SNCAIP: variants seen among roughly 807,000 people sequenced by gnomAD.
The protein encoded by SNCAIP is synuclein alpha interacting protein.
In SNCAIP, 43 loss-of-function variants were observed where a neutral mutation model predicts 86.7. That is an observed-to-expected ratio of 0.50 (90% CI 0.39 to 0.64). The LOEUF (loss-of-function observed/expected upper bound fraction) is 0.64. SNCAIP is among the 30% of genes least tolerant of loss of function. The pLI, the probability that SNCAIP is intolerant of heterozygous loss-of-function variation, is 0.00. For missense variants in SNCAIP, 981 were observed against 1,103.1 expected (o/e 0.89, Z 1.57); for synonymous variants, 417 against 427.2 (o/e 0.98, Z 0.29).
rs762552739 is a variant in SNCAIP at position 122,450,721 on chromosome 5, G to A, written c.1874G>A (p.Gly625Glu). The change falls in exon 10 of 11, where the codon GGA (glycine) becomes GAA (glutamate). Residue 625 changes from glycine (G) to glutamate (E), a missense_variant. Transcript: ENST00000261368. ...DSDKILRQLL[G>E]KEISENVCTQ... ...GATAAAATCTTACGCCAGTTATTGG[G>A]AAAGGAAATCTCAGAAAATGTCTGC... 1.2e-6 allele frequency: 2 copies of A among 1,614,052 alleles called. No individual in the cohort carries two copies.
intron 1 of SNCAIP, among the ~76,000 whole-genome samples, chr5:122,330,117 C>CCT (rs1415466705): frequency 1.0e-5 from 1 of 96,850 alleles, no homozygotes; most frequent in African/African-American, 4.3e-5. Flanking sequence ...AACTTCATTT[C>CCT]TTTTTTTTTT....
At chr5:122,354,364 A>G (rs1284073596) in intron 1 of SNCAIP, among the ~76,000 whole-genome samples, 1 of 152,174 alleles carries the variant, frequency 6.6e-6, no homozygotes, top group Non-Finnish European at 1.5e-5. Flanking sequence ...TCTTCCAGAG[A>G]GGCTGTGATG....
At position 122,450,390 on chromosome 5, in the gene SNCAIP, T is replaced by C. The variant is rs772541610; in HGVS notation, c.1686-143T>C. 48 of 733,852 alleles carry C rather than the reference T, an allele frequency of 6.5e-5. 1 individual carries two copies. The highest frequency in any genetic ancestry group is 3.8e-4 in the South Asian group (24 of 62,722). The allele number at this position is 733,852 out of a possible 1,614,324, so 45.5% of individuals were successfully genotyped here. On this transcript the variant is annotated intron_variant, in intron 9 of 10. Transcript: ENST00000261368. ...CTGATACTATGGAGTATTTGCACAT[T>C]GTTTCGAAAAGAAATTATGTACTTA...
chr5:122,353,615 T>C (rs891513776), intron 1 of SNCAIP, among the ~76,000 whole-genome samples: 3 of 152,120 alleles, frequency 2.0e-5, no homozygotes, highest in African/African-American at 7.2e-5. Flanking sequence ...ATTCTCATGA[T>C]AGTGAATAAG....
chr5:122,463,588 A>G lies in SNCAIP; in HGVS notation c.*92A>G. 1 of 1,445,386 alleles carries G rather than the reference A, an allele frequency of 6.9e-7. No homozygotes were observed. Among genetic ancestry groups the G allele is most frequent in the South Asian group, 1.2e-5 (1 of 84,862 alleles). The allele number at this position is 1,445,386 out of a possible 1,614,324, so 89.5% of individuals were successfully genotyped here. On this transcript the variant is annotated 3_prime_UTR_variant, in exon 11 of 11. Transcript: ENST00000261368. ...ACTCTTCTTGTAAATCACTTTTTAA[A>G]TTTTCTCTCACTGATGCCCTTTGGA...
intron 3 of SNCAIP, among the ~76,000 whole-genome samples, chr5:122,410,716 A>G (rs898873134): frequency 6.6e-6 from 1 of 152,156 alleles, no homozygotes; most frequent in Non-Finnish European, 1.5e-5. Context: ...CCCGGTACTC[A>G]GGAGGCTGAG....
At chr5:122,357,026 A>G (rs1191635761) in intron 1 of SNCAIP, among the ~76,000 whole-genome samples, 2 of 152,026 alleles carry the variant, frequency 1.3e-5, no homozygotes, top group Non-Finnish European at 2.9e-5. Context: ...AAAGCCCTGC[A>G]TATTTGTATC....
chr5:122,406,494 A>C (rs1773025226), intron 3 of SNCAIP, among the ~76,000 whole-genome samples: 1 of 152,082 alleles, frequency 6.6e-6, no homozygotes, highest in Admixed American at 6.6e-5. Flanking sequence ...CCTCATGTTG[A>C]ATGGTAAACC....
intron 2 of SNCAIP, among the ~76,000 whole-genome samples, chr5:122,401,877 G>A (rs1367558824): frequency 6.6e-6 from 1 of 152,212 alleles, no homozygotes; most frequent in Non-Finnish European, 1.5e-5. Context: ...TGAAGCTACA[G>A]CGAATACATC....
At chr5:122,335,445 A>T (rs1182869231) in intron 1 of SNCAIP, among the ~76,000 whole-genome samples, 1 of 152,226 alleles carries the variant, frequency 6.6e-6, no homozygotes, top group Non-Finnish European at 1.5e-5. Flanking sequence ...CAGATACACC[A>T]GCTCTTTTGA....
At chr5:122,323,485 A>G (rs1034447300) in intron 1 of SNCAIP, 4 of 152,192 alleles carry the variant, frequency 2.6e-5, no homozygotes, top group African/African-American at 9.7e-5. Context: ...TATGTAATGT[A>G]TGTAAATGCA....
At chr5:122,448,942 G>A (rs963912641) in intron 8 of SNCAIP, among the ~76,000 whole-genome samples, 2 of 150,970 alleles carry the variant, frequency 1.3e-5, no homozygotes, top group Non-Finnish European at 3.0e-5. Context: ...CGTGAACCCG[G>A]GAGGCGGAGC....
At position 122,451,568 on chromosome 5, in the gene SNCAIP, T is replaced by C; in HGVS notation, c.2721T>C (p.Pro907=). ...LGRKTDAKGN[P]ASSASKGKNK... ...GGAAGACAGATGCCAAGGGAAACCC[T>C]GCCAGCTCCGCTAGCAAAGGAAAGA... Residue 907 remains proline (P), a synonymous_variant, in exon 10 of 11, where the codon CCT becomes CCC. Coordinates refer to ENST00000261368, the MANE Select transcript of SNCAIP (RefSeq NM_005460.4). 1.2e-6 allele frequency: 2 copies of C among 1,613,434 alleles called. No individual in the cohort carries two copies. The highest frequency in any genetic ancestry group is 1.7e-6 in the Non-Finnish European group (2 of 1,179,692).
At chr5:122,374,175 C>T (rs1764812972) in intron 1 of SNCAIP, among the ~76,000 whole-genome samples, 1 of 152,156 alleles carries the variant, frequency 6.6e-6, no homozygotes, top group Non-Finnish European at 1.5e-5. Flanking sequence ...CATATGGTGA[C>T]ATCTGGATTG....
At chr5:122,315,549 C>G (rs1751528377) in intron 1 of SNCAIP, among the ~76,000 whole-genome samples, 1 of 152,128 alleles carries the variant, frequency 6.6e-6, no homozygotes, top group African/African-American at 2.4e-5. Flanking sequence ...TTTTTGTGAT[C>G]TACTACATTT....
chr5:122,378,314 G>GT (rs879610401), intron 1 of SNCAIP, among the ~76,000 whole-genome samples: 1 of 138,618 alleles, frequency 7.2e-6, no homozygotes, highest in Non-Finnish European at 1.6e-5. Flanking sequence ...TTTTTCATGT[G>GT]TTTTTTGGCT....
chr5:122,443,130 G>C (rs1781439175), intron 7 of SNCAIP, among the ~76,000 whole-genome samples: 1 of 152,132 alleles, frequency 6.6e-6, no homozygotes, highest in African/African-American at 2.4e-5. Context: ...GCTTTGTGGT[G>C]AGTTGACCTT....
At chr5:122,386,311 G>A (rs1416287144) in intron 1 of SNCAIP, among the ~76,000 whole-genome samples, 1 of 152,078 alleles carries the variant, frequency 6.6e-6, no homozygotes, top group Non-Finnish European at 1.5e-5. Flanking sequence ...ATGCAATGTG[G>A]TTCTCAGTTA....
chr5:122,445,647 C>A (rs1307307883), intron 8 of SNCAIP, among the ~76,000 whole-genome samples: 3 of 66,416 alleles, frequency 4.5e-5, no homozygotes, highest in African/African-American at 1.2e-4. Flanking sequence ...TTAAGTTTTA[C>A]ACACACACAC....
Sources: allele counts gnomAD v4.1 joint callset (sites outside exome capture counted in the v4.1 genomes callset), GRCh38; gene constraint gnomAD v4.1.1; transcripts MANE v1.5; gene names NCBI Gene and HGNC (gene_info 2026-07-23, HGNC 2026-07-21).